Variants in SAMD12 observed in about 807,000 individuals in gnomAD.
The protein encoded by SAMD12 is sterile alpha motif domain containing 12, also known as sterile alpha motif domain-containing protein 12.
Under a neutral mutation model 15.0 loss-of-function variants are expected in SAMD12, and 9 were observed. The observed-to-expected ratio is 0.60, with a 90% CI of 0.36 to 1.05. The LOEUF (loss-of-function observed/expected upper bound fraction) is 1.05, where lower values mean the gene tolerates loss of function less well. Among genes scored for constraint, SAMD12 ranks in the 50% least tolerant of loss-of-function variants. The probability of loss-of-function intolerance (pLI) is 0.01; values close to 1 mark genes in which losing one functional copy is unlikely to be tolerated. For synonymous variants in SAMD12, 86 were observed against 90.1 expected (o/e 0.96, Z 0.25); for missense variants, 230 against 234.2 (o/e 0.98, Z 0.12).
intron 4 of SAMD12, among the ~76,000 whole-genome samples, chr8:118,233,579 T>C (rs1022861349): frequency 1.3e-5 from 2 of 152,146 alleles, no homozygotes; most frequent in African/African-American, 2.4e-5. Flanking sequence ...CCAGGTAGAT[T>C]ATATAAAATA....
chr8:118,173,973 T>C, the SAMD12 span, among the ~76,000 whole-genome samples: 1 of 152,176 alleles, frequency 6.6e-6, no homozygotes, highest in Admixed American at 6.5e-5. Context: ...TTAAAAATAC[T>C]GCCTGTTAGT....
downstream of SAMD12, among the ~76,000 whole-genome samples, chr8:118,376,728 G>GA (rs1265729430): frequency 6.6e-5 from 10 of 152,118 alleles, no homozygotes; most frequent in Non-Finnish European, 1.3e-4. Flanking sequence ...CTTTAAGAGG[G>GA]AAGCCCAAGG....
At chr8:118,136,946 A>C in the SAMD12 span, among the ~76,000 whole-genome samples, 1 of 152,200 alleles carries the variant, frequency 6.6e-6, no homozygotes, top group Non-Finnish European at 1.5e-5. Context: ...TGTTACTGGT[A>C]GAGGGTTTGA....
At chr8:118,608,986 A>T (rs1828044653) in intron 1 of SAMD12, among the ~76,000 whole-genome samples, 1 of 152,248 alleles carries the variant, frequency 6.6e-6, no homozygotes. Flanking sequence ...ATATTCCCAC[A>T]GCATATTTCT....
chr8:118,392,692 T>C (rs1046099055), intron 3 of SAMD12, among the ~76,000 whole-genome samples: 1 of 152,174 alleles, frequency 6.6e-6, no homozygotes, highest in Non-Finnish European at 1.5e-5. Flanking sequence ...GATACGCAAA[T>C]AGACAAACTT....
intron 3 of SAMD12, among the ~76,000 whole-genome samples, chr8:118,387,581 C>T (rs1563818128): frequency 6.6e-6 from 1 of 152,138 alleles, no homozygotes; most frequent in African/African-American, 2.4e-5. Flanking sequence ...TCTGAAGGTA[C>T]TATTATTATC....
chr8:118,272,107 G>A (rs10092222), intron 4 of SAMD12, among the ~76,000 whole-genome samples: 3 of 152,036 alleles, frequency 2.0e-5, no homozygotes, highest in Admixed American at 6.5e-5. Context: ...GTCTCTGCCC[G>A]TGGAGCAAAC....
At chr8:118,139,993 C>T in the SAMD12 span, among the ~76,000 whole-genome samples, 68 of 152,132 alleles carry the variant, frequency 4.5e-4, no homozygotes, top group Admixed American at 1.3e-3. Flanking sequence ...TGCCATCTTC[C>T]CAGCTGAAAT....
chr8:118,552,396 C>G (rs1259306880), intron 2 of SAMD12, among the ~76,000 whole-genome samples: 2 of 152,052 alleles, frequency 1.3e-5, no homozygotes, highest in East Asian at 1.9e-4. Context: ...TAAATGTAAT[C>G]CAGCATATAA....
chr8:118,463,716 TTCTC>T (rs1280351745), intron 2 of SAMD12, among the ~76,000 whole-genome samples: 2 of 152,048 alleles, frequency 1.3e-5, no homozygotes, highest in Non-Finnish European at 2.9e-5. Context: ...GTCCCTTAAA[TTCTC>T]TCTGATTAAT....
rs531105460 is a variant in SAMD12, at chr8:118,284,808, G to A, written c.434-87076C>T. 29 of 156,912 alleles carry A rather than the reference G, an allele frequency of 1.8e-4. No homozygotes were observed. The South Asian group carries it at 5.6e-3, about 30-fold the overall frequency. The allele number at this position is 156,912 out of a possible 1,614,324, so 9.7% of individuals were successfully genotyped here. On this transcript the variant is annotated intron_variant, in intron 4 of 4. Transcript: ENST00000409003. ...ATACAAAAAATTAGCCAGGCGTGGT[G>A]GCGGGCGCCCGCAGTCCCAGCTACT...
intron 4 of SAMD12, among the ~76,000 whole-genome samples, chr8:118,204,069 C>G (rs965879774): frequency 6.6e-6 from 1 of 152,140 alleles, no homozygotes; most frequent in Admixed American, 6.5e-5. Flanking sequence ...TTCTTCTCAT[C>G]ATTTGCTCAT....
intron 3 of SAMD12, among the ~76,000 whole-genome samples, chr8:118,384,423 T>C (rs1034921339): frequency 6.6e-6 from 1 of 152,146 alleles, no homozygotes; most frequent in African/African-American, 2.4e-5. Flanking sequence ...ACTATCACAG[T>C]CATCTAAGCA....
chr8:118,227,483 T>C (rs564406088), intron 4 of SAMD12, among the ~76,000 whole-genome samples: 1 of 152,204 alleles, frequency 6.6e-6, no homozygotes, highest in African/African-American at 2.4e-5. Flanking sequence ...TGTACCTATG[T>C]AACAAACCTG....
intron 3 of SAMD12, among the ~76,000 whole-genome samples, chr8:118,418,717 T>TAAA (rs1821846279): frequency 7.9e-6 from 1 of 126,180 alleles, no homozygotes; most frequent in Non-Finnish European, 1.7e-5. Flanking sequence ...AGACTCCGTC[T>TAAA]CAAAAAAAAA....
chr8:118,412,920 T>G (rs936803961), intron 3 of SAMD12, among the ~76,000 whole-genome samples: 1 of 152,154 alleles, frequency 6.6e-6, no homozygotes, highest in Non-Finnish European at 1.5e-5. Context: ...GTGACATGCT[T>G]TGGCCAATGG....
At position 118,525,886 on chromosome 8, in the gene SAMD12, T is replaced by A. The variant is rs936216433; in HGVS notation, c.192+54829A>T. Among the ~76,000 whole-genome samples the A allele has an allele frequency of 2.0e-5, 3 of 152,194 alleles. No homozygotes were observed. In the East Asian group the frequency reaches 5.8e-4, roughly 29 times the overall value. Reference sequence around the variant, plus strand: ...GCATCTGCTAACCATACCCCATAGATGGAGGACAGAGCTGGTGCACATCTG... The same window carrying A: ...GCATCTGCTAACCATACCCCATAGAAGGAGGACAGAGCTGGTGCACATCTG... On this transcript the variant is annotated intron_variant, in intron 2 of 3. Coordinates refer to ENST00000314727, the MANE Select transcript of SAMD12 (RefSeq NM_207506.3).
intron 2 of SAMD12, among the ~76,000 whole-genome samples, chr8:118,455,980 CT>C (rs1475098539): frequency 6.6e-6 from 1 of 152,210 alleles, no homozygotes; most frequent in Non-Finnish European, 1.5e-5. Context: ...AAATTCCACA[CT>C]TTCCACCTAC....
At chr8:118,308,059 A>T (rs1392832307) in intron 4 of SAMD12, among the ~76,000 whole-genome samples, 1 of 152,198 alleles carries the variant, frequency 6.6e-6, no homozygotes, top group Non-Finnish European at 1.5e-5. Flanking sequence ...CCTCATGCTG[A>T]TAACTGGTAA....
Sources: allele counts gnomAD v4.1 joint callset (sites outside exome capture counted in the v4.1 genomes callset), GRCh38; gene constraint gnomAD v4.1.1; transcripts MANE v1.5; gene names NCBI Gene and HGNC (gene_info 2026-07-23, HGNC 2026-07-21).